The following TBC1D16 variants were observed in gnomAD, a reference collection of about 807,000 sequenced individuals.
The protein encoded by TBC1D16 is CTD-2529O21.1.
A neutral mutation model predicts 74.7 loss-of-function variants in TBC1D16; 58 were observed. The observed-to-expected ratio is 0.78, with a 90% CI of 0.63 to 0.97. The LOEUF is 0.97. Among genes scored for constraint, TBC1D16 ranks in the 50% least tolerant of loss-of-function variants. The pLI is 0.00. For missense variants in TBC1D16, 1,014 were observed against 1,079.5 expected (o/e 0.94, Z 0.85); for synonymous variants, 493 against 474.7 (o/e 1.04, Z -0.50).
intron 3 of TBC1D16, among the ~76,000 whole-genome samples, chr17:79,973,039 C>T (rs997219946): frequency 5.3e-5 from 8 of 152,066 alleles, no homozygotes; most frequent in Non-Finnish European, 1.2e-4. Flanking sequence ...CCGAGATCGT[C>T]CTGCTACATT....
intron 3 of TBC1D16, among the ~76,000 whole-genome samples, chr17:79,962,541 T>A (rs926350555): frequency 3.3e-5 from 5 of 152,086 alleles, no homozygotes; most frequent in African/African-American, 4.8e-5. Context: ...AATGTACAGT[T>A]CAGGTATTAA....
At position 79,944,255 on chromosome 17, in the gene TBC1D16, G is replaced by T; in HGVS notation, c.1908+653C>A. On this transcript the variant is annotated intron_variant, in intron 10 of 11. Transcript: ENST00000310924. This position sits in a 1 kb window ranked among gnomAD's most constrained non-coding sequence, Gnocchi z 7.7. The stretch of plus-strand genomic sequence containing the variant: ...TCCTGCAAAAGGGTCCAGCCCTCCT[G>T]GATGCGTCGATGTGAGTTTTTTTTT... 1 of 1,014,542 alleles carries T rather than the reference G, an allele frequency of 9.9e-7. No individual in the cohort carries two copies. Among genetic ancestry groups the T allele is most frequent in the Non-Finnish European group, 1.4e-6 (1 of 701,674 alleles). 62.8% of individuals were successfully genotyped at this position (1,014,542 alleles called of 1,614,324 possible).
rs374713203 is a variant in TBC1D16 at position 79,945,132 on chromosome 17, G to A, written c.1729-45C>T. On this transcript the variant is annotated intron_variant, in intron 9 of 11. Transcript: ENST00000310924. ...GCGTTAGTTAGCTCCGGTCCCATGC[G>A]GCCTGCTGCCCAGGAAGCCCACTCC... 45 of 1,510,030 alleles carry A rather than the reference G, an allele frequency of 3.0e-5. No individual in the cohort carries two copies. In the Admixed American group the frequency reaches 3.9e-4, roughly 13 times the overall value. 93.5% of individuals were successfully genotyped at this position (1,510,030 alleles called of 1,614,324 possible).
Position 80,035,133 on chromosome 17 carries a change from T to C in TBC1D16, c.-63+662A>G, listed in dbSNP as rs2143514709. On this transcript the variant is annotated intron_variant, in intron 1 of 11. Transcript: ENST00000310924. The surrounding 1 kb of genome is among the most constrained non-coding windows in gnomAD (Gnocchi z 5.3). ...TTCCGAGTGTGGGAATCACAGGATT[T>C]CAGGATTCAGCGGCTTCCGGCAGGA... Among the ~76,000 whole-genome samples the C allele has an allele frequency of 6.6e-6, 1 of 152,338 alleles. No individual in the cohort carries two copies. Among genetic ancestry groups the C allele is most frequent in the African/African-American group, 2.4e-5 (1 of 41,580 alleles).
chr17:80,028,612 C>T (rs1056581991), intron 1 of TBC1D16, among the ~76,000 whole-genome samples: 2 of 148,034 alleles, frequency 1.4e-5, no homozygotes, highest in Non-Finnish European at 1.5e-5. Context: ...CAGACCGGGG[C>T]ATGATGACCA....
At chr17:79,973,864 CAA>C (rs1456160297) in intron 3 of TBC1D16, among the ~76,000 whole-genome samples, 1 of 152,120 alleles carries the variant, frequency 6.6e-6, no homozygotes, top group Non-Finnish European at 1.5e-5. Flanking sequence ...CAAACAAAAA[CAA>C]AACCAAAACC....
rs966571433 is a variant in TBC1D16, at chr17:80,010,034, C to T, written c.779+126G>A. ...CTCCTGCCACAGCCACGGCCACAGC[C>T]GCGGGCAGGTCGGGCAGATGCCTCC... On this transcript the variant is annotated intron_variant, in intron 3 of 11. Transcript: ENST00000310924. The surrounding 1 kb of genome is among the most constrained non-coding windows in gnomAD (Gnocchi z 8.8). 8 of 817,098 alleles carry T rather than the reference C, an allele frequency of 9.8e-6. No homozygotes were observed. Among genetic ancestry groups the T allele is most frequent in the African/African-American group, 6.9e-5 (4 of 57,592 alleles). 50.6% of individuals were successfully genotyped at this position (817,098 alleles called of 1,614,324 possible). A position where few individuals can be genotyped will look rare whatever the true frequency, so the allele number is the denominator to read the frequency against.
chr17:79,936,867 CAT>C lies in TBC1D16; in HGVS notation c.*3990_*3991del, dbSNP rs941522494. The C allele has an allele frequency of 8.4e-6, 1 of 119,614 alleles. No homozygotes were observed. Among genetic ancestry groups the C allele is most frequent in the Non-Finnish European group, 1.9e-5 (1 of 53,276 alleles). 7.4% of individuals were successfully genotyped at this position (119,614 alleles called of 1,614,324 possible). A position where few individuals can be genotyped will look rare whatever the true frequency, so the allele number is the denominator to read the frequency against. ...CACTGACTTAGGCTGCACCCCTGCA[CAT>C]ATGTGTGTGTGTGTGTGCATGCGTG... On this transcript the variant is annotated 3_prime_UTR_variant, in exon 12 of 12. Transcript: ENST00000310924.
In TBC1D16 at chr17:79,950,630, A is replaced by G. The variant is rs1425135693; in HGVS notation, c.1090-52T>C. 1.9e-6 allele frequency: 3 copies of G among 1,585,966 alleles called. No homozygotes were observed. In the East Asian group the frequency reaches 6.8e-5, roughly 36 times the overall value. On this transcript the variant is annotated intron_variant, in intron 5 of 11. Coordinates refer to ENST00000310924, the MANE Select transcript of TBC1D16 (RefSeq NM_019020.4). The surrounding 1 kb of genome is among the most constrained non-coding windows in gnomAD (Gnocchi z 4.6). ...GTCAGGATCTCAGCCGCGCGGCTTC[A>G]GAGGCCAGCAGTGCTTTTCCCAGGA...
At position 79,949,018 on chromosome 17, in the gene TBC1D16, C is replaced by T; in HGVS notation, c.1407-12G>A. ...GAGTCATGGAGAGCCTGTGTGGAGC[C>T]GAGCACCCAGCCGGGGTCAGCGGGT... On this transcript the variant is annotated splice_polypyrimidine_tract_variant and intron_variant, in intron 7 of 11. Transcript: ENST00000310924. 6.2e-7 allele frequency: 1 copy of T among 1,613,892 alleles called. No homozygotes were observed. Among genetic ancestry groups the T allele is most frequent in the Non-Finnish European group, 8.5e-7 (1 of 1,179,934 alleles).
At position 79,941,241 on chromosome 17, in the gene TBC1D16, G is replaced by A; in HGVS notation, c.2056-134C>T. ...TCGGGGGCTCACCGAGTCCTGGACT[G>A]AGGGCTCTGCCTGCATCTCCCACCA... On this transcript the variant is annotated intron_variant, in intron 11 of 11. Coordinates refer to ENST00000310924, the MANE Select transcript of TBC1D16 (RefSeq NM_019020.4). The surrounding 1 kb of genome is among the most constrained non-coding windows in gnomAD (Gnocchi z 4.3). The A allele has an allele frequency of 2.3e-6, 2 of 856,954 alleles. No individual in the cohort carries two copies. Among genetic ancestry groups the A allele is most frequent in the Non-Finnish European group, 3.5e-6 (2 of 574,942 alleles). 53.1% of individuals were successfully genotyped at this position (856,954 alleles called of 1,614,324 possible). A position where few individuals can be genotyped will look rare whatever the true frequency, so the allele number is the denominator to read the frequency against.
At chr17:80,006,664 C>CT (rs528216270) in intron 3 of TBC1D16, among the ~76,000 whole-genome samples, 3,740 of 147,366 alleles carry the variant, frequency 0.025, 89 homozygotes, top group African/African-American at 0.06. Flanking sequence ...TTCTTTCTTT[C>CT]TTTTTTTTTT....
At chr17:79,999,027 G>A (rs907048480) in intron 3 of TBC1D16, among the ~76,000 whole-genome samples, 4 of 152,106 alleles carry the variant, frequency 2.6e-5, no homozygotes, top group Admixed American at 1.3e-4. Flanking sequence ...AGGCCGAGGC[G>A]GGGGGATTAC....
chr17:80,014,193 C>A (rs1405252562), intron 1 of TBC1D16, among the ~76,000 whole-genome samples: 2 of 151,920 alleles, frequency 1.3e-5, no homozygotes, highest in African/African-American at 4.8e-5. Context: ...ATCATCTCTA[C>A]CAAAAATACA....
Position 79,944,989 on chromosome 17 carries a change from G to A in TBC1D16, c.1827C>T (p.Arg609=). ...CCCGCTTGAAGCACAGAAGGAGCCA[G>A]CGGTGGCAGAAGAGCATCTGCAGGC... ...EDGLQMLFCH[R]WLLLCFKREF... The change falls in exon 10 of 12, where the codon CGC becomes CGT. Residue 609 remains arginine (R), a synonymous_variant. Coordinates refer to ENST00000310924, the MANE Select transcript of TBC1D16 (RefSeq NM_019020.4). This position sits in a 1 kb window ranked among gnomAD's most constrained non-coding sequence, Gnocchi z 7.7. 6.4e-7 allele frequency: 1 copy of A among 1,569,712 alleles called. No individual in the cohort carries two copies. The highest frequency in any genetic ancestry group is 1.2e-5 in the South Asian group (1 of 85,338).
In TBC1D16 at chr17:79,994,743, A is replaced by G. The variant is rs2035203495; in HGVS notation, c.779+15417T>C. Among the ~76,000 whole-genome samples, 1 of 152,184 alleles carries G rather than the reference A, an allele frequency of 6.6e-6. No homozygotes were observed. Among genetic ancestry groups the G allele is most frequent in the Non-Finnish European group, 1.5e-5 (1 of 68,034 alleles). The stretch of plus-strand genomic sequence containing the variant: ...CCGGCCGAGAATGTTTTTTCAAAAA[A>G]GCAGGTCGCCAATCTGTGTAGACTC... On this transcript the variant is annotated intron_variant, in intron 3 of 11. Transcript: ENST00000310924. This position sits in a 1 kb window ranked among gnomAD's most constrained non-coding sequence, Gnocchi z 4.6.
chr17:79,978,703 C>A (rs2144241137), intron 3 of TBC1D16, among the ~76,000 whole-genome samples: 1 of 152,284 alleles, frequency 6.6e-6, no homozygotes, highest in Admixed American at 6.5e-5. Context: ...CACGTGATGC[C>A]GTACTGGGCT....
intron 9 of TBC1D16, among the ~76,000 whole-genome samples, chr17:79,946,852 CTT>C (rs1279979388): frequency 1.3e-5 from 2 of 152,222 alleles, no homozygotes; most frequent in Non-Finnish European, 2.9e-5. Flanking sequence ...CAGGAGCCCT[CTT>C]GTCCTTATCA....
At chr17:79,976,442 G>C (rs895629100) in intron 3 of TBC1D16, among the ~76,000 whole-genome samples, 1 of 152,246 alleles carries the variant, frequency 6.6e-6, no homozygotes, top group Admixed American at 6.5e-5. Flanking sequence ...AGGAAGGCTA[G>C]AGTCACGGTA....
Sources: allele counts gnomAD v4.1 joint callset (sites outside exome capture counted in the v4.1 genomes callset), GRCh38; gene constraint gnomAD v4.1.1; non-coding constraint Gnocchi (gnomAD v3.1); transcripts MANE v1.5; gene names NCBI Gene and HGNC (gene_info 2026-07-23, HGNC 2026-07-21).